CEP290: variants seen among roughly 807,000 people sequenced by gnomAD.
CEP290 encodes the protein centrosomal protein 290.
In CEP290, 317 loss-of-function variants were observed where a neutral mutation model predicts 344.9. That is an observed-to-expected ratio of 0.92 (90% CI 0.84 to 1.01). The LOEUF (loss-of-function observed/expected upper bound fraction) is 1.01, where lower values mean the gene tolerates loss of function less well. Ranked by LOEUF, CEP290 falls within the 50% of genes least tolerant of loss-of-function variation. The probability of loss-of-function intolerance (pLI) is 0.00; values close to 1 mark genes in which losing one functional copy is unlikely to be tolerated. For missense variants in CEP290, 2,754 were observed against 2,761.4 expected (o/e 1.00, Z 0.06); for synonymous variants, 932 against 895.8 (o/e 1.04, Z -0.72).
chr12:88,120,589 G>T (rs1295982096), intron 14 of CEP290, among the ~76,000 whole-genome samples: 2 of 152,158 alleles, frequency 1.3e-5, no homozygotes, highest in Non-Finnish European at 2.9e-5. Flanking sequence ...AGTAGAATAA[G>T]TAAGTCATTA....
intron 23 of CEP290, among the ~76,000 whole-genome samples, chr12:88,107,917 A>C (rs1048879930): frequency 9.2e-5 from 14 of 151,898 alleles, no homozygotes; most frequent in Admixed American, 8.5e-4. Flanking sequence ...AAAAAAAAAA[A>C]AAGTATGCGA....
Position 88,049,140 on chromosome 12 carries a change from A to AAAGTT in CEP290, c.*39_*43dup, listed in dbSNP as rs764689165. The AAAGTT allele has an allele frequency of 2.6e-6, 3 of 1,149,270 alleles. No homozygotes were observed. The highest frequency in any genetic ancestry group is 4.8e-5 in the East Asian group (2 of 41,592). The allele number at this position is 1,149,270 out of a possible 1,614,324, so 71.2% of individuals were successfully genotyped here. Reference sequence around the variant, plus strand: ...TTATTTCCAAGTATATTTAACTTATAAAGTTAATAAATAGTTAAATGAAAC... The same window carrying AAAGTT: ...TTATTTCCAAGTATATTTAACTTATAAAGTTAAGTTAATAAATAGTTAAATGAAAC... On this transcript the variant is annotated 3_prime_UTR_variant, in exon 54 of 54. Transcript: ENST00000552810.
chr12:88,071,156 G>A, intron 43 of CEP290, 138 bp downstream of exon 43: 1 of 709,366 alleles, frequency 1.4e-6, no homozygotes, highest in Non-Finnish European at 2.4e-6. Flanking sequence ...GGCATATGAA[G>A]AACCAGGAAT....
chr12:88,085,719 C>T (rs1374027713), intron 34 of CEP290, among the ~76,000 whole-genome samples: 1 of 151,834 alleles, frequency 6.6e-6, no homozygotes, highest in Non-Finnish European at 1.5e-5. Flanking sequence ...ACATGCACTT[C>T]AAAATAAAAC....
intron 19 of CEP290, among the ~76,000 whole-genome samples, 155 bp from the exon 20 acceptor site, chr12:88,114,717 G>A (rs956313080): frequency 2.0e-5 from 3 of 152,008 alleles, no homozygotes; most frequent in Non-Finnish European, 4.4e-5. Flanking sequence ...TAAATCCAAC[G>A]TGAATAGTTG....
rs377613416 is a variant in CEP290, at chr12:88,064,134, A to C, written c.6136-19T>G. 1,187 of 1,520,118 alleles carry C rather than the reference A, an allele frequency of 7.8e-4. 2 individuals are homozygous for C. The highest frequency in any genetic ancestry group is 9.7e-4 in the Non-Finnish European group (1,096 of 1,133,360). The allele number at this position is 1,520,118 out of a possible 1,614,324, so 94.2% of individuals were successfully genotyped here. A position where few individuals can be genotyped will look rare whatever the true frequency, so the allele number is the denominator to read the frequency against. ...CTGAAATCTTCAGGGAAATGAAATTAGGAATATTTTTAAAGTTTAATAAAT... is the reference window on the plus strand; with the variant it reads ...CTGAAATCTTCAGGGAAATGAAATTCGGAATATTTTTAAAGTTTAATAAAT... On this transcript the variant is annotated intron_variant, in intron 44 of 53. Coordinates refer to ENST00000552810, the MANE Select transcript of CEP290 (RefSeq NM_025114.4).
At chr12:88,049,632 G>A (rs1004123187) in intron 53 of CEP290, 3 of 383,360 alleles carry the variant, frequency 7.8e-6, no homozygotes, top group Non-Finnish European at 1.4e-5. Context: ...TGTAAGTTGT[G>A]TTCTAGTCTT....
intron 13 of CEP290, among the ~76,000 whole-genome samples, chr12:88,122,889 C>T (rs1203466779): frequency 6.6e-6 from 1 of 152,062 alleles, no homozygotes; most frequent in Non-Finnish European, 1.5e-5. Context: ...TATACTTTCA[C>T]TTCTCTTCTT....
chr12:88,117,344 C>T (rs2039116486), intron 17 of CEP290, among the ~76,000 whole-genome samples, 199 bp from the exon 18 acceptor site: 1 of 152,116 alleles, frequency 6.6e-6, no homozygotes, highest in African/African-American at 2.4e-5. Flanking sequence ...ATGTGAGAAC[C>T]TAATTTTTGA....
Position 88,139,188 on chromosome 12 carries a change from T to G in CEP290, c.254A>C (p.Asn85Thr). ...KAGEEQAKFE[N>T]QLKTKVMKLE... The stretch of plus-strand genomic sequence containing the variant: ...TTTCATTACTTTAGTTTTTAATTGA[T>G]TTTCTATTTTTTTAAAAAAAAAGAA... Residue 85 changes from asparagine to threonine, a missense_variant, in exon 5 of 54, where the codon AAT (asparagine) becomes ACT (threonine). By Grantham distance (65) the Asn-to-Thr change is moderately conservative. Coordinates refer to ENST00000552810, the MANE Select transcript of CEP290 (RefSeq NM_025114.4). 8.9e-7 allele frequency: 1 copy of G among 1,128,780 alleles called. No individual in the cohort carries two copies. Among genetic ancestry groups the G allele is most frequent in the Non-Finnish European group, 1.2e-6 (1 of 817,432 alleles). 69.9% of individuals were successfully genotyped at this position (1,128,780 alleles called of 1,614,324 possible).
In CEP290 at chr12:88,118,497, C is replaced by T. The variant is rs1422337501; in HGVS notation, c.1697G>A (p.Arg566Lys). Residue 566 changes from arginine to lysine, a missense_variant, in exon 17 of 54, where the codon AGA becomes AAA. Physicochemically the swap from Arg to Lys is conservative, Grantham distance 26 (BLOSUM62 2). Transcript: ENST00000552810. Reference protein sequence around the residue: ...IRQMAQERGKRSATSGLTTED... With the variant: ...IRQMAQERGKKSATSGLTTED... ...ACTGAGTATACCTGAAGTTGCACTT[C>T]TTTTTCCTCTTTCTTGAGCCATTTG... 1.3e-6 allele frequency: 2 copies of T among 1,559,012 alleles called. No individual in the cohort carries two copies. The highest frequency in any genetic ancestry group is 4.7e-5 in the East Asian group (2 of 42,234).
At position 88,071,921 on chromosome 12, in the gene CEP290, A is replaced by G. The variant is rs1322010288; in HGVS notation, c.5715T>C (p.Ala1905=). The G allele has an allele frequency of 6.3e-7, 1 of 1,587,968 alleles. No homozygotes were observed. Among genetic ancestry groups the G allele is most frequent in the Non-Finnish European group, 8.5e-7 (1 of 1,170,774 alleles). ...CTTCCCACCTAATTAATTCTTCTTT[A>G]GCATTCTGTAACAATAACGAAGGAG... is the stretch of plus-strand genomic sequence containing the variant. The part of the protein sequence containing the change: ...VDLKPMKEKN[A]KEELIRWEEG... The change falls in exon 42 of 54, where the codon GCT becomes GCC. Residue 1905 remains alanine (A), a synonymous_variant. Transcript: ENST00000552810.
At position 88,071,859 on chromosome 12, in the gene CEP290, C is replaced by G. The variant is rs778030031; in HGVS notation, c.5777G>C (p.Arg1926Pro). 3.7e-6 allele frequency: 6 copies of G among 1,604,088 alleles called. No homozygotes were observed. The highest frequency in any genetic ancestry group is 1.3e-5 in the African/African-American group (1 of 74,476). ...KKWQAKIEGI[R>P]NKLKEKEGEV... ...CCCCTCTTTCTCTTTTAACTTGTTT[C>G]GAATTCCTTCTATTTTGGCTTGCCA... The change falls in exon 42 of 54, where the codon CGA (arginine) becomes CCA (proline). Residue 1926 changes from arginine (R) to proline (P), a missense_variant. Arg to Pro is a moderately radical substitution (Grantham distance 103, BLOSUM62 -2). Transcript: ENST00000552810.
intron 13 of CEP290, among the ~76,000 whole-genome samples, chr12:88,124,584 A>G (rs184956231): frequency 2.6e-5 from 4 of 151,598 alleles, no homozygotes; most frequent in Admixed American, 2.0e-4. Context: ...ATGTGTATAT[A>G]TGTATATATA....
In CEP290 at chr12:88,136,708, G is replaced by C. The variant is rs1222421581; in HGVS notation, c.376C>G (p.Gln126Glu). 1 of 1,613,310 alleles carries C rather than the reference G, an allele frequency of 6.2e-7. No homozygotes were observed. Among genetic ancestry groups the C allele is most frequent in the Non-Finnish European group, 8.5e-7 (1 of 1,179,608 alleles). The change falls in exon 6 of 54, where the codon CAA (glutamine) becomes GAA (glutamate). Residue 126 changes from glutamine (Q) to glutamate (E), a missense_variant. Physicochemically the swap from Gln to Glu is conservative, Grantham distance 29. Coordinates refer to ENST00000552810, the MANE Select transcript of CEP290 (RefSeq NM_025114.4). ...ATGTCCTCCAATTCTCTATCTTTTT[G>C]TTCTAATTGTTTTTCAAGTTGGCAA... ...EICQLEKQLEQKDRELEDMEK... is the reference protein window; with the variant it reads ...EICQLEKQLEEKDRELEDMEK...
At position 88,050,394 on chromosome 12, in the gene CEP290, GTC is replaced by G; in HGVS notation, c.7167_7168del (p.Glu2389AspfsTer28). The G allele has an allele frequency of 6.4e-7, 1 of 1,562,464 alleles. No homozygotes were observed. The highest frequency in any genetic ancestry group is 8.8e-7 in the Non-Finnish European group (1 of 1,142,804). Reference sequence around the variant, plus strand: ...TTCTAGATCTGACATTTTGAGCTGTGTCTCTAGATCTTTTATTTTTTCCTTTA... The same window carrying G: ...TTCTAGATCTGACATTTTGAGCTGTGTCTAGATCTTTTATTTTTTCCTTTA... On this transcript the variant is annotated frameshift_variant, in exon 53 of 54. Coordinates refer to ENST00000552810, the MANE Select transcript of CEP290 (RefSeq NM_025114.4). LOFTEE classifies it high-confidence loss of function.
Position 88,139,564 on chromosome 12 carries a change from T to C in CEP290, c.181A>G (p.Met61Val). Residue 61 changes from methionine (M) to valine (V), a missense_variant and splice_region_variant, in exon 4 of 54, where the codon ATG (methionine) becomes GTG (valine). Physicochemically the swap from Met to Val is conservative, Grantham distance 21. Transcript: ENST00000552810. ...LFRITQSLMKMKAQEVELALE... is the reference protein window; with the variant it reads ...LFRITQSLMKVKAQEVELALE... ...GCCAGCTCCACTTCTTGAGCTTTCATCTAAACATTAAAAAAAGGTTATTTC... is the reference window on the plus strand; with the variant it reads ...GCCAGCTCCACTTCTTGAGCTTTCACCTAAACATTAAAAAAAGGTTATTTC... 1 of 1,568,250 alleles carries C rather than the reference T, an allele frequency of 6.4e-7. No homozygotes were observed. Among genetic ancestry groups the C allele is most frequent in the Non-Finnish European group, 8.6e-7 (1 of 1,160,156 alleles).
chr12:88,049,218 TC>T lies in CEP290; in HGVS notation c.7405del (p.Glu2469LysfsTer16), dbSNP rs1357534475. The stretch of plus-strand genomic sequence containing the variant: ...GGGGAAATTAACAGGACTTTCTTCT[TC>T]ATCTTCAAACTCTTCAGAAGCAGCA... ...PVAASEEFED[E>X]EESPVNFPIY On this transcript the variant is annotated frameshift_variant, in exon 54 of 54. Coordinates refer to ENST00000552810, the MANE Select transcript of CEP290 (RefSeq NM_025114.4). LOFTEE classifies it high-confidence loss of function. 1 of 1,600,204 alleles carries T rather than the reference TC, an allele frequency of 6.2e-7. No homozygotes were observed. The highest frequency in any genetic ancestry group is 8.5e-7 in the Non-Finnish European group (1 of 1,176,526).
At chr12:88,080,161 T>C (rs2036087748) in intron 38 of CEP290, 21 bp downstream of exon 38, 4 of 1,513,606 alleles carry the variant, frequency 2.6e-6, no homozygotes, top group Admixed American at 4.1e-5. Context: ...TAAATGTTGA[T>C]AATTTTCTGT....
Sources: allele counts gnomAD v4.1 joint callset (sites outside exome capture counted in the v4.1 genomes callset), GRCh38; gene constraint gnomAD v4.1.1; transcripts MANE v1.5; gene names NCBI Gene and HGNC (gene_info 2026-07-23, HGNC 2026-07-21).